The following ERBB4 variants were observed in gnomAD, a reference collection of about 807,000 sequenced individuals.
The protein encoded by ERBB4 is erb-b2 receptor tyrosine kinase 4.
In ERBB4, 42 loss-of-function variants were observed where a neutral mutation model predicts 158.0. The observed-to-expected ratio is 0.27, with a 90% confidence interval of 0.21 to 0.34. The LOEUF (loss-of-function observed/expected upper bound fraction) is 0.34, where lower values mean the gene tolerates loss of function less well. Among genes scored for constraint, ERBB4 ranks in the 10% least tolerant of loss-of-function variants. The probability of loss-of-function intolerance (pLI) is 1.00; values close to 1 mark genes in which losing one functional copy is unlikely to be tolerated. For missense variants in ERBB4, 1,333 were observed against 1,624.1 expected, an observed-to-expected ratio of 0.82 and a Z score of 3.08; for synonymous variants, 583 against 558.7, an observed-to-expected ratio of 1.04 and a Z score of -0.61.
chr2:211,626,652 C>CAGTG (rs930500212), intron 17 of ERBB4, among the ~76,000 whole-genome samples: 5 of 152,092 alleles, frequency 3.3e-5, no homozygotes, highest in Non-Finnish European at 5.9e-5. Flanking sequence ...GGGCCGGGCA[C>CAGTG]AGTGACTCAC....
intron 1 of ERBB4, among the ~76,000 whole-genome samples, chr2:212,382,805 A>G (rs964328494): frequency 2.0e-5 from 3 of 151,316 alleles, no homozygotes; most frequent in African/African-American, 7.3e-5. Context: ...TTTTATTGCT[A>G]GAGAAGTTAA....
At chr2:211,531,189 G>A (rs959327634) in intron 20 of ERBB4, among the ~76,000 whole-genome samples, 10 of 151,984 alleles carry the variant, frequency 6.6e-5, no homozygotes, top group Admixed American at 2.0e-4. Context: ...TACTTAAATC[G>A]AAGACATCAA....
chr2:211,909,413 T>C (rs2079482990), intron 3 of ERBB4, among the ~76,000 whole-genome samples: 1 of 151,804 alleles, frequency 6.6e-6, no homozygotes, highest in Admixed American at 6.6e-5. Context: ...GTGAACATCG[T>C]AAAGTACACT....
chr2:212,216,144 C>T lies in ERBB4; in HGVS notation c.83-91241G>A, dbSNP rs535199263. Among the ~76,000 whole-genome samples the T allele has an allele frequency of 1.0e-3, 154 of 151,304 alleles. 2 individuals are homozygous for T. Among genetic ancestry groups the T allele is most frequent in the Non-Finnish European group, 1.9e-3 (127 of 67,406 alleles). ...TATAGTTGTATCATATATGGATCTT[C>T]GATAGATATAGCAATGAGCATATTA... On this transcript the variant is annotated intron_variant, in intron 1 of 27. Coordinates refer to ENST00000342788, the MANE Select transcript of ERBB4 (RefSeq NM_005235.3).
intron 1 of ERBB4, among the ~76,000 whole-genome samples, chr2:212,312,450 T>C (rs1270996947): frequency 6.6e-6 from 1 of 151,008 alleles, no homozygotes; most frequent in East Asian, 2.0e-4. Flanking sequence ...TCTAATAAAA[T>C]GTCTATTTTA....
chr2:211,402,246 C>T (rs544471269), intron 25 of ERBB4, among the ~76,000 whole-genome samples: 2 of 152,094 alleles, frequency 1.3e-5, no homozygotes, highest in African/African-American at 4.8e-5. Flanking sequence ...CAACCGGTTA[C>T]ATTAGTATCC....
At chr2:211,685,171 T>C (rs973114855) in intron 12 of ERBB4, among the ~76,000 whole-genome samples, 1 of 152,224 alleles carries the variant, frequency 6.6e-6, no homozygotes, top group Non-Finnish European at 1.5e-5. Context: ...TATGGATTGT[T>C]CTTTGCATGC....
chr2:212,509,788 G>C (rs1402705818), intron 1 of ERBB4, among the ~76,000 whole-genome samples: 2 of 151,850 alleles, frequency 1.3e-5, no homozygotes, highest in Non-Finnish European at 2.9e-5. Flanking sequence ...TAAATTATTA[G>C]ATGTATAAAA....
At chr2:212,011,675 A>G (rs986732257) in intron 2 of ERBB4, among the ~76,000 whole-genome samples, 1 of 151,702 alleles carries the variant, frequency 6.6e-6, no homozygotes, top group African/African-American at 2.4e-5. Flanking sequence ...GCTCGAACCC[A>G]GGAGGCAGAG....
At chr2:211,470,037 T>C (rs2125523736) in intron 20 of ERBB4, among the ~76,000 whole-genome samples, 2 of 152,236 alleles carry the variant, frequency 1.3e-5, no homozygotes, top group Middle Eastern at 3.4e-3. Context: ...GTTCTTTCCT[T>C]TTATTTAAAA....
intron 2 of ERBB4, among the ~76,000 whole-genome samples, chr2:211,970,618 C>T (rs2081425534): frequency 6.6e-6 from 1 of 152,208 alleles, no homozygotes; most frequent in African/African-American, 2.4e-5. Flanking sequence ...GAATTTTTTA[C>T]CACTATGTAA....
chr2:211,562,704 G>A (rs1217404149), intron 19 of ERBB4, among the ~76,000 whole-genome samples: 1 of 150,710 alleles, frequency 6.6e-6, no homozygotes, highest in East Asian at 1.9e-4. Context: ...AAAATTATAA[G>A]TGATGTCTTA....
intron 3 of ERBB4, among the ~76,000 whole-genome samples, chr2:211,807,884 G>A (rs1276880275): frequency 1.3e-5 from 2 of 152,178 alleles, no homozygotes; most frequent in Admixed American, 6.5e-5. Flanking sequence ...CAGTGATGAT[G>A]AGCATTTTTT....
At chr2:212,339,535 G>A (rs1012289113) in intron 1 of ERBB4, among the ~76,000 whole-genome samples, 1 of 152,060 alleles carries the variant, frequency 6.6e-6, no homozygotes, top group Non-Finnish European at 1.5e-5. Context: ...TGCAAATTTT[G>A]TCTCATTAAA....
At chr2:211,950,167 A>G (rs1423018102) in intron 2 of ERBB4, among the ~76,000 whole-genome samples, 1 of 152,104 alleles carries the variant, frequency 6.6e-6, no homozygotes, top group Non-Finnish European at 1.5e-5. Context: ...CCAAGTCTTT[A>G]CCCAGAAACT....
chr2:211,621,492 T>C (rs1235472921), intron 18 of ERBB4, among the ~76,000 whole-genome samples: 1 of 152,174 alleles, frequency 6.6e-6, no homozygotes, highest in Non-Finnish European at 1.5e-5. Context: ...TAATTTCAAT[T>C]AGGGTAAAAC....
At chr2:212,079,560 A>T (rs969207611) in intron 2 of ERBB4, among the ~76,000 whole-genome samples, 12 of 149,362 alleles carry the variant, frequency 8.0e-5, no homozygotes, top group Non-Finnish European at 1.3e-4. Context: ...ATAACTTAAT[A>T]TAAGGGTTAT....
intron 16 of ERBB4, among the ~76,000 whole-genome samples, chr2:211,647,792 G>A (rs777120950): frequency 2.6e-5 from 4 of 151,678 alleles, no homozygotes; most frequent in Middle Eastern, 3.4e-3. Context: ...ACCAACAAAC[G>A]ATTAAGTTAG....
At chr2:211,443,645 G>A (rs2064039412) in intron 20 of ERBB4, among the ~76,000 whole-genome samples, 1 of 152,004 alleles carries the variant, frequency 6.6e-6, no homozygotes, top group Non-Finnish European at 1.5e-5. Context: ...TGGGGGAGTG[G>A]AATGCAGGAA....
Sources: allele counts gnomAD v4.1 joint callset (sites outside exome capture counted in the v4.1 genomes callset), GRCh38; gene constraint gnomAD v4.1.1; transcripts MANE v1.5; gene names NCBI Gene and HGNC (gene_info 2026-07-23, HGNC 2026-07-21).